ARAP2: variants seen among roughly 807,000 people sequenced by gnomAD.
ARAP2 encodes ArfGAP with RhoGAP domain, ankyrin repeat and PH domain 2, also known as arf-GAP with Rho-GAP domain, ANK repeat and PH domain-containing protein 2.
In ARAP2, 148 loss-of-function variants were observed where a neutral mutation model predicts 194.5. That is an observed-to-expected ratio of 0.76 (90% CI 0.67 to 0.87). The LOEUF is 0.87. Ranked by LOEUF, ARAP2 falls within the 40% of genes least tolerant of loss-of-function variation. The pLI, the probability that ARAP2 is intolerant of heterozygous loss-of-function variation, is 0.00. For missense variants in ARAP2, 2,128 were observed against 1,989.7 expected (o/e 1.07, Z -1.32); for synonymous variants, 695 against 683.5 (o/e 1.02, Z -0.26).
chr4:36,157,064 ATAT>A (rs1197268134), intron 15 of ARAP2, among the ~76,000 whole-genome samples: 1 of 152,176 alleles, frequency 6.6e-6, no homozygotes, highest in Non-Finnish European at 1.5e-5. Flanking sequence ...AATTTTATAA[ATAT>A]TATAACCACA....
intron 5 of ARAP2, among the ~76,000 whole-genome samples, chr4:36,031,688 A>C (rs1718984465): frequency 7.2e-6 from 1 of 139,278 alleles, no homozygotes; most frequent in Admixed American, 7.4e-5. Context: ...TTCTTTTTTG[A>C]GATGGAGTCT....
rs1037433664 is a variant in ARAP2 at position 36,120,317 on chromosome 4, G to T, written c.3895-599C>A. On this transcript the variant is annotated intron_variant, in intron 23 of 32. Transcript: ENST00000303965. ...CCCACAATCTGGTGTCTATTCCTAT[G>T]TAAATTAAGATACAGACTGTGATAT... 1.6e-4 allele frequency among the ~76,000 whole-genome samples: 25 copies of T among 151,674 alleles called. 1 individual carries two copies. The East Asian group carries it at 4.9e-3, about 30-fold the overall frequency.
downstream of ARAP2, among the ~76,000 whole-genome samples, chr4:36,063,978 A>G (rs1724900405): frequency 6.6e-6 from 1 of 152,222 alleles, no homozygotes; most frequent in Non-Finnish European, 1.5e-5. Flanking sequence ...ATTAAAAATT[A>G]TGCAATTCAG....
chr4:36,228,893 T>C lies in ARAP2; in HGVS notation c.594A>G (p.Lys198=), dbSNP rs1335718005. Residue 198 remains lysine (K), a synonymous_variant, in exon 2 of 33, where the codon AAA becomes AAG. Coordinates refer to ENST00000303965, the MANE Select transcript of ARAP2 (RefSeq NM_015230.4). The part of the protein sequence containing the change: ...DHTVEEQQTE[K]VKLITENLSK... ...TGAGATTTTCTGTGATCAATTTAAC[T>C]TTTTCTGTTTGTTGTTCTTCAACTG... 1 of 1,614,024 alleles carries C rather than the reference T, an allele frequency of 6.2e-7. No individual in the cohort carries two copies. The highest frequency in any genetic ancestry group is 8.5e-7 in the Non-Finnish European group (1 of 1,179,950).
At chr4:36,157,226 G>C (rs1732768930) in intron 15 of ARAP2, among the ~76,000 whole-genome samples, 1 of 152,140 alleles carries the variant, frequency 6.6e-6, no homozygotes, top group Non-Finnish European at 1.5e-5. Context: ...TGATATCCCA[G>C]TATTTAGAAG....
chr4:36,013,623 A>T (rs749903599), intron 8 of ARAP2, among the ~76,000 whole-genome samples: 3 of 152,222 alleles, frequency 2.0e-5, no homozygotes, highest in Non-Finnish European at 4.4e-5. Flanking sequence ...AGCAAGTGGA[A>T]TTTAAGGAAA....
At chr4:36,230,947 A>G (rs545322108) in intron 1 of ARAP2, among the ~76,000 whole-genome samples, 124 of 152,334 alleles carry the variant, frequency 8.1e-4, no homozygotes, top group African/African-American at 3.0e-3. Flanking sequence ...GAGCAGAGAA[A>G]TAAAAATACA....
intron 2 of ARAP2, among the ~76,000 whole-genome samples, chr4:36,221,490 C>T (rs1413750431): frequency 6.6e-6 from 1 of 151,730 alleles, no homozygotes. Context: ...TGTTCCTCAC[C>T]CAGGACCTAA....
chr4:36,202,912 A>G (rs1380490145), intron 6 of ARAP2, among the ~76,000 whole-genome samples: 4 of 152,250 alleles, frequency 2.6e-5, no homozygotes, highest in Non-Finnish European at 5.9e-5. Flanking sequence ...CTAATCCAGC[A>G]TTCGATTAAA....
intron 1 of ARAP2, among the ~76,000 whole-genome samples, chr4:36,239,104 C>T (rs927168732): frequency 1.3e-5 from 2 of 152,036 alleles, no homozygotes; most frequent in East Asian, 1.9e-4. Flanking sequence ...GGTGAAATCC[C>T]GTCTCTACTA....
intron 19 of ARAP2, among the ~76,000 whole-genome samples, chr4:36,147,065 T>C (rs574156534): frequency 6.6e-6 from 1 of 152,082 alleles, no homozygotes; most frequent in Non-Finnish European, 1.5e-5. Context: ...TAGAAAACTA[T>C]ACAATAATTG....
At chr4:36,060,068 C>T (rs1305214632) in intron 1 of ARAP2, among the ~76,000 whole-genome samples, 5 of 152,160 alleles carry the variant, frequency 3.3e-5, no homozygotes, top group Non-Finnish European at 7.4e-5. Context: ...ATAAATGCTA[C>T]TTCTATCTTA....
chr4:36,014,289 GAA>G (rs879760470), intron 8 of ARAP2, among the ~76,000 whole-genome samples: 24 of 132,938 alleles, frequency 1.8e-4, no homozygotes, highest in Non-Finnish European at 3.0e-4. Flanking sequence ...AAGAAAGAAA[GAA>G]AGAAAGAAGA....
At chr4:36,098,348 C>A (rs1233829618) in intron 27 of ARAP2, among the ~76,000 whole-genome samples, 8 of 152,072 alleles carry the variant, frequency 5.3e-5, no homozygotes, top group Admixed American at 6.6e-5. Flanking sequence ...TACACACTTC[C>A]TTTTCTCTCT....
At chr4:36,035,161 C>T (rs533375342) in intron 5 of ARAP2, among the ~76,000 whole-genome samples, 1 of 151,942 alleles carries the variant, frequency 6.6e-6, no homozygotes, top group Admixed American at 6.6e-5. Flanking sequence ...GGCATGGTAC[C>T]CACTCTTTTT....
chr4:36,156,619 A>T (rs113570484), intron 15 of ARAP2, among the ~76,000 whole-genome samples: 8 of 152,294 alleles, frequency 5.3e-5, no homozygotes, highest in African/African-American at 1.7e-4. Flanking sequence ...ACTGCAGCAC[A>T]GGTAGGTCAG....
intron 3 of ARAP2, among the ~76,000 whole-genome samples, chr4:36,214,158 C>A (rs1187440741): frequency 6.6e-6 from 1 of 152,124 alleles, no homozygotes; most frequent in Admixed American, 6.5e-5. Flanking sequence ...TAAATGCCTG[C>A]AACTGTGGCT....
chr4:36,160,465 T>A lies in ARAP2; in HGVS notation c.2436A>T (p.Leu812Phe), dbSNP rs1733653312. The A allele has an allele frequency of 6.5e-7, 1 of 1,548,630 alleles. No individual in the cohort carries two copies. Residue 812 changes from leucine to phenylalanine, a missense_variant, in exon 13 of 33, where the codon TTA becomes TTT. Transcript: ENST00000303965. ...GTTATGTTTAATTGAATACCTTATT[T>A]AATTCTTCTTTGGTGAGAGATGCCA... ...TLLASLTKEE[L>F]NKALCAAVVK...
chr4:36,105,570 A>G (rs1209720342), intron 27 of ARAP2, among the ~76,000 whole-genome samples: 1 of 151,856 alleles, frequency 6.6e-6, no homozygotes, highest in African/African-American at 2.4e-5. Context: ...AAATCTTCCT[A>G]CCCAGTTTGT....
Sources: allele counts gnomAD v4.1 joint callset (sites outside exome capture counted in the v4.1 genomes callset), GRCh38; gene constraint gnomAD v4.1.1; transcripts MANE v1.5; gene names NCBI Gene and HGNC (gene_info 2026-07-23, HGNC 2026-07-21).